SPMIP7: variants seen among roughly 807,000 people sequenced by gnomAD.
The protein encoded by SPMIP7 is sperm microtubule inner protein 7.
chr7:50,125,227 CACAT>C, the SPMIP7 span, among the ~76,000 whole-genome samples: 15 of 84,656 alleles, frequency 1.8e-4, no homozygotes, highest in Non-Finnish European at 2.9e-4. Flanking sequence ...CACATATATA[CACAT>C]ATATATACAC....
the SPMIP7 span, among the ~76,000 whole-genome samples, chr7:50,157,983 C>G: frequency 2.6e-5 from 4 of 152,208 alleles, no homozygotes; most frequent in Non-Finnish European, 4.4e-5. Context: ...TAAAATGAAG[C>G]CCAGTCATGA....
the SPMIP7 span, among the ~76,000 whole-genome samples, chr7:50,132,941 G>A: frequency 6.6e-6 from 1 of 152,162 alleles, no homozygotes; most frequent in East Asian, 1.9e-4. Context: ...TATATGTGGA[G>A]GAAGTGAGAA....
At chr7:50,125,139 C>T in the SPMIP7 span, among the ~76,000 whole-genome samples, 1 of 29,916 alleles carries the variant, frequency 3.3e-5, no homozygotes, top group Non-Finnish European at 5.6e-5. Context: ...CACACACACA[C>T]ACATATACAC....
the SPMIP7 span, among the ~76,000 whole-genome samples, chr7:50,099,570 C>T: frequency 6.6e-6 from 1 of 152,118 alleles, no homozygotes; most frequent in Non-Finnish European, 1.5e-5. Flanking sequence ...TCAGCCTGGC[C>T]AGAGATTTGG....
At chr7:50,121,978 C>T in the SPMIP7 span, among the ~76,000 whole-genome samples, 1 of 141,184 alleles carries the variant, frequency 7.1e-6, no homozygotes, top group African/African-American at 2.6e-5. Flanking sequence ...TAGTAACATT[C>T]ACAGGTTCCA....
At chr7:50,102,709 T>G in the SPMIP7 span, among the ~76,000 whole-genome samples, 1 of 152,252 alleles carries the variant, frequency 6.6e-6, no homozygotes, top group East Asian at 1.9e-4. Flanking sequence ...ATCATCATCA[T>G]TATCATCATC....
the SPMIP7 span, among the ~76,000 whole-genome samples, chr7:50,153,905 G>A: frequency 6.6e-6 from 1 of 152,278 alleles, no homozygotes; most frequent in Non-Finnish European, 1.5e-5. Context: ...CTGTGTGCCT[G>A]GCCTTTTCTA....
the SPMIP7 span, among the ~76,000 whole-genome samples, chr7:50,103,171 G>T: frequency 2.6e-5 from 4 of 151,494 alleles, no homozygotes; most frequent in Non-Finnish European, 5.9e-5. Flanking sequence ...CTCTCACAAT[G>T]CATCTCTCTC....
chr7:50,127,491 A>G, the SPMIP7 span, among the ~76,000 whole-genome samples: 2 of 151,710 alleles, frequency 1.3e-5, no homozygotes, highest in Admixed American at 1.3e-4. Context: ...TTTGCAAACT[A>G]CCCATCTGAC....
the SPMIP7 span, chr7:50,141,197 T>C: frequency 4.6e-5 from 41 of 883,010 alleles, no homozygotes; most frequent in African/African-American, 6.5e-4. Context: ...ATAAATTTCC[T>C]TTGGAAGTTA....
chr7:50,153,839 C>T, the SPMIP7 span, among the ~76,000 whole-genome samples: 1 of 152,126 alleles, frequency 6.6e-6, no homozygotes, highest in Non-Finnish European at 1.5e-5. Flanking sequence ...CTCTCAGGCC[C>T]CGACTAGCCT....
the SPMIP7 span, among the ~76,000 whole-genome samples, chr7:50,153,673 G>C: frequency 6.6e-6 from 1 of 152,176 alleles, no homozygotes; most frequent in Non-Finnish European, 1.5e-5. Context: ...GGAAACTGAG[G>C]CACACACAAG....
the SPMIP7 span, among the ~76,000 whole-genome samples, chr7:50,153,837 C>T: frequency 1.3e-5 from 2 of 152,162 alleles, no homozygotes; most frequent in Non-Finnish European, 2.9e-5. Flanking sequence ...GGCTCTCAGG[C>T]CCCGACTAGC....
At chr7:50,120,632 A>C in the SPMIP7 span, among the ~76,000 whole-genome samples, 3 of 152,186 alleles carry the variant, frequency 2.0e-5, no homozygotes, top group Non-Finnish European at 4.4e-5. Context: ...TTCTCAGGGG[A>C]AAGAAACACA....
the SPMIP7 span, chr7:50,141,320 C>A: frequency 1.3e-6 from 2 of 1,552,000 alleles, no homozygotes; most frequent in South Asian, 2.4e-5. Flanking sequence ...ATGTTGACAA[C>A]CCCTTGGGAG....
chr7:50,149,618 G>C, the SPMIP7 span, among the ~76,000 whole-genome samples: 1 of 152,142 alleles, frequency 6.6e-6, no homozygotes, highest in Admixed American at 6.5e-5. Flanking sequence ...CACAAAATCT[G>C]TTATTTTGTA....
the SPMIP7 span, among the ~76,000 whole-genome samples, chr7:50,139,628 G>A: frequency 6.6e-6 from 1 of 152,168 alleles, no homozygotes; most frequent in Admixed American, 6.5e-5. Context: ...GAAAAGCTAT[G>A]TGGGTTAGTC....
At chr7:50,130,651 C>T in the SPMIP7 span, among the ~76,000 whole-genome samples, 8 of 151,972 alleles carry the variant, frequency 5.3e-5, no homozygotes, top group African/African-American at 1.9e-4. Flanking sequence ...AAAGGTAGAA[C>T]AGGACAAGAT....
chr7:50,159,058 A>G, the SPMIP7 span: 5 of 1,551,902 alleles, frequency 3.2e-6, no homozygotes, highest in South Asian at 1.2e-5. Flanking sequence ...TCTTCCAGAA[A>G]GAAATGGCAG....
Sources: allele counts gnomAD v4.1 joint callset (sites outside exome capture counted in the v4.1 genomes callset), GRCh38; gene constraint gnomAD v4.1.1; transcripts MANE v1.5; gene names NCBI Gene and HGNC (gene_info 2026-07-23, HGNC 2026-07-21).